F5: variants seen among roughly 807,000 people sequenced by gnomAD.
F5 encodes the protein coagulation factor V.
F5 carries 138 observed loss-of-function variants against 216.4 expected under a neutral mutation model. The ratio of observed to expected loss-of-function variants is 0.64; its 90% CI spans 0.56 to 0.73. The LOEUF (loss-of-function observed/expected upper bound fraction) is 0.73. Among genes scored for constraint, F5 ranks in the 30% least tolerant of loss-of-function variants. F5 has a pLI of 0.00. For synonymous variants in F5, 916 were observed against 930.7 expected, an observed-to-expected ratio of 0.98 and a Z score of 0.29; for missense variants, 2,403 against 2,674.0, an observed-to-expected ratio of 0.90 and a Z score of 2.24.
chr1:169,551,968 A>T (rs533316772), intron 8 of F5, among the ~76,000 whole-genome samples: 7 of 152,288 alleles, frequency 4.6e-5, no homozygotes, highest in Admixed American at 4.6e-4. Context: ...GTTTCTATTC[A>T]ATTGTGTTTA....
chr1:169,579,702 T>A (rs1660947079), intron 2 of F5, among the ~76,000 whole-genome samples: 1 of 152,226 alleles, frequency 6.6e-6, no homozygotes, highest in Non-Finnish European at 1.5e-5. Flanking sequence ...TATCTGCATC[T>A]AATGAGTCAC....
intron 3 of F5, among the ~76,000 whole-genome samples, chr1:169,561,455 GA>G (rs1352518818): frequency 6.6e-6 from 1 of 152,134 alleles, no homozygotes; most frequent in Non-Finnish European, 1.5e-5. Context: ...ATAGGAGAGG[GA>G]GAGGATGAAG....
chr1:169,523,655 A>T, intron 20 of F5, 146 bp downstream of exon 20: 1 of 816,228 alleles, frequency 1.2e-6, no homozygotes. Flanking sequence ...GATTTTAAGG[A>T]TATAAAGTAC....
Position 169,527,907 on chromosome 1 carries a change from A to G in F5, c.5599+8T>C, listed in dbSNP as rs759092752. On this transcript the variant is annotated splice_region_variant and intron_variant, in intron 17 of 24. Transcript: ENST00000367797. ...AGCAGGGACCTCTTCCCATTACCCA[A>G]TCTTTACCAGGCAGAAGGGGCCAGA... 3.1e-6 allele frequency: 5 copies of G among 1,612,918 alleles called. No individual in the cohort carries two copies. Among genetic ancestry groups the G allele is most frequent in the East Asian group, 2.2e-5 (1 of 44,850 alleles).
In F5 at chr1:169,546,180, TACAC is replaced by T. The variant is rs3835453; in HGVS notation, c.1762+258_1762+261del. Among the ~76,000 whole-genome samples the T allele has an allele frequency of 0.087, 12,313 of 141,034 alleles. 670 individuals carry two copies. Among genetic ancestry groups the T allele is most frequent in the Admixed American group, 0.15 (1,978 of 13,378 alleles). The allele number at this position is 141,034 out of a possible 152,430, so 92.5% of individuals were successfully genotyped here. ...CCTCACCACGCAGAGTATGTCTGTG[TACAC>T]ACACACACACACACACACACACACG... On this transcript the variant is annotated intron_variant, in intron 11 of 24. Transcript: ENST00000367797.
rs547549527 is a variant in F5, at chr1:169,527,664, T to C, written c.5599+251A>G. On this transcript the variant is annotated intron_variant, in intron 17 of 24. Transcript: ENST00000367797. ...TGACACACAGTGGCTTGGGAGAAAC[T>C]GCATGTTATGTTGCAACTGAGTTGG... Among the ~76,000 whole-genome samples the C allele has an allele frequency of 3.9e-5, 6 of 152,304 alleles. No individual in the cohort carries two copies. In the South Asian group the frequency reaches 1.0e-3, roughly 26 times the overall value.
chr1:169,556,861 G>A lies in F5; in HGVS notation c.737C>T (p.Thr246Ile). Reference protein sequence around the residue: ...GYVNGTMPDITVCAHDHISWH... With the variant: ...GYVNGTMPDIIVCAHDHISWH... ...GCTGATGTGGTCATGGGCACAAACTGTTATATCTGAGAAAGAGGGAGAGAC... is the reference window on the plus strand; with the variant it reads ...GCTGATGTGGTCATGGGCACAAACTATTATATCTGAGAAAGAGGGAGAGAC... The change falls in exon 6 of 25, where the codon ACA becomes ATA. Residue 246 changes from threonine to isoleucine, a missense_variant. Physicochemically the swap from Thr to Ile is moderately conservative, Grantham distance 89 (BLOSUM62 -1). This residue lies in a region of F5 where 1,425 missense variants were observed against 1,554.8 expected (regional missense o/e 0.92). Transcript: ENST00000367797. The A allele has an allele frequency of 6.2e-7, 1 of 1,613,550 alleles. No individual in the cohort carries two copies. The highest frequency in any genetic ancestry group is 8.5e-7 in the Non-Finnish European group (1 of 1,179,844).
Position 169,542,354 on chromosome 1 carries a change from G to C in F5, c.2736C>G (p.Ser912Arg). Residue 912 changes from serine to arginine, a missense_variant, in exon 13 of 25, where the codon AGC becomes AGG. By Grantham distance (110) the Ser-to-Arg change is moderately radical. Around this residue, in one of 4 missense-constraint regions of F5, gnomAD observed 1,425 missense variants for 1,554.8 expected, o/e 0.92. Transcript: ENST00000367797. ...SGMRPWEDLP[S>R]QDTGSPSRMR... The stretch of plus-strand genomic sequence containing the variant: ...TTCTGGAAGGAGAACCAGTGTCTTG[G>C]CTAGGAAGGTCCTCCCAGGGCCTCA... The C allele has an allele frequency of 6.2e-7, 1 of 1,601,094 alleles. No individual in the cohort carries two copies.
At chr1:169,519,509 T>G (rs556630672) in intron 22 of F5, among the ~76,000 whole-genome samples, 1 of 152,288 alleles carries the variant, frequency 6.6e-6, no homozygotes, top group South Asian at 2.1e-4. Context: ...ATTTGGGAGA[T>G]GTTTTAGACT....
chr1:169,524,312 G>A (rs1659379727), intron 19 of F5, among the ~76,000 whole-genome samples: 1 of 152,178 alleles, frequency 6.6e-6, no homozygotes, highest in South Asian at 2.1e-4. Context: ...TATAGTGGAG[G>A]TTCAACAAAG....
At position 169,546,502 on chromosome 1, in the gene F5, C is replaced by T; in HGVS notation, c.1702G>A (p.Glu568Lys). ...YLEDNINKFC[E>K]NPDEVKRDDP... ...TCACGTTTCACCTCATCAGGATTTT[C>T]ACAAAACTTGTTGATGTTGTCCTCA... The change falls in exon 11 of 25, where the codon GAA (glutamate) becomes AAA (lysine). Residue 568 changes from glutamate (E) to lysine (K), a missense_variant. Transcript: ENST00000367797. 1 of 1,614,142 alleles carries T rather than the reference C, an allele frequency of 6.2e-7. No individual in the cohort carries two copies. Among genetic ancestry groups the T allele is most frequent in the Non-Finnish European group, 8.5e-7 (1 of 1,179,998 alleles).
chr1:169,569,755 T>C (rs1660684640), intron 3 of F5, among the ~76,000 whole-genome samples: 1 of 152,066 alleles, frequency 6.6e-6, no homozygotes, highest in African/African-American at 2.4e-5. Flanking sequence ...AGTTCTCTTA[T>C]GTTCTGTTGT....
At chr1:169,552,875 A>G in intron 7 of F5, 141 bp from the exon 8 acceptor site, 1 of 664,918 alleles carries the variant, frequency 1.5e-6, no homozygotes. Flanking sequence ...GTAGTTTGCA[A>G]AGTCCTTATG....
chr1:169,522,322 A>C (rs959008105), intron 21 of F5, among the ~76,000 whole-genome samples: 5 of 152,192 alleles, frequency 3.3e-5, no homozygotes, highest in African/African-American at 9.6e-5. Context: ...TACCAGTTTT[A>C]TGAAAGCTAG....
chr1:169,514,074 G>A lies in F5; in HGVS notation c.*239C>T, dbSNP rs1659098024. 6.0e-6 allele frequency: 3 copies of A among 498,568 alleles called. No homozygotes were observed. Among genetic ancestry groups the A allele is most frequent in the South Asian group, 5.3e-5 (2 of 37,972 alleles). 30.9% of individuals were successfully genotyped at this position (498,568 alleles called of 1,614,324 possible). A position where few individuals can be genotyped will look rare whatever the true frequency, so the allele number is the denominator to read the frequency against. On this transcript the variant is annotated 3_prime_UTR_variant, in exon 25 of 25. Transcript: ENST00000367797. ...AGAAAGATAAGCCCTTTTCTTGTTG[G>A]TTCTTGATATTTTCCTACCTGTATT...
At chr1:169,557,997 T>C (rs1660371638) in intron 5 of F5, among the ~76,000 whole-genome samples, 1 of 152,216 alleles carries the variant, frequency 6.6e-6, no homozygotes, top group African/African-American at 2.4e-5. Context: ...AATTATTCTT[T>C]TGGGAACTAT....
chr1:169,520,550 G>A lies in F5; in HGVS notation c.6163C>T (p.Arg2055Ter), dbSNP rs199690772. 6.8e-6 allele frequency: 11 copies of A among 1,613,822 alleles called. No homozygotes were observed. Among genetic ancestry groups the A allele is most frequent in the Admixed American group, 3.3e-5 (2 of 59,996 alleles). The change falls in exon 22 of 25, where the codon CGA becomes TGA. Residue 2055 changes from arginine to a stop codon, truncating the protein, a stop_gained. Coordinates refer to ENST00000367797, the MANE Select transcript of F5 (RefSeq NM_000130.5). LOFTEE classifies it high-confidence loss of function. The stretch of plus-strand genomic sequence containing the variant: ...ACCTCACAACCTTGCAGTTCCAATC[G>A]AAGGGTAGGTCTGTTATAGGCTCGA... ...PTRAYNRPTL[R>*]LELQGCEVNG... is the part of the protein sequence containing the mutation.
rs16684 is a variant in F5, at chr1:169,556,319, T to TCTCTGGC, written c.952+326_952+327insGCCAGAG. 0.69 allele frequency among the ~76,000 whole-genome samples: 103,571 copies of TCTCTGGC among 150,912 alleles called. 37,100 individuals are homozygous for TCTCTGGC. The highest frequency in any genetic ancestry group is 0.89 in the African/African-American group (36,551 of 41,144). On this transcript the variant is annotated intron_variant, in intron 6 of 24. Coordinates refer to ENST00000367797, the MANE Select transcript of F5 (RefSeq NM_000130.5). The stretch of plus-strand genomic sequence containing the variant: ...TCTTGTGCTAGCATCTAGGTCTTTT[T>TCTCTGGC]TGCATATGAAGTAACCCGAAGAAAG...
At chr1:169,575,968 A>G (rs949374116) in intron 2 of F5, among the ~76,000 whole-genome samples, 7 of 152,092 alleles carry the variant, frequency 4.6e-5, no homozygotes, top group Non-Finnish European at 8.8e-5. Context: ...TATCAGAGGG[A>G]TGCAGGAGAA....
Sources: allele counts gnomAD v4.1 joint callset (sites outside exome capture counted in the v4.1 genomes callset), GRCh38; gene constraint gnomAD v4.1.1; regional missense constraint gnomAD v4.1.1; transcripts MANE v1.5; gene names NCBI Gene and HGNC (gene_info 2026-07-23, HGNC 2026-07-21).